The following DEUP1 variants were observed in gnomAD, a reference collection of about 807,000 sequenced individuals.
DEUP1 encodes the protein deuterosome assembly protein 1.
In DEUP1, 82 loss-of-function variants were observed where a neutral mutation model predicts 87.4. The observed-to-expected ratio is 0.94, with a 90% CI of 0.78 to 1.13. The LOEUF (loss-of-function observed/expected upper bound fraction) is 1.13. Among genes scored for constraint, DEUP1 ranks in the 50% most tolerant of loss-of-function variants. DEUP1 has a pLI of 0.00. For missense variants in DEUP1, 663 were observed against 681.5 expected, an observed-to-expected ratio of 0.97 and a Z score of 0.30; for synonymous variants, 214 against 222.7, an observed-to-expected ratio of 0.96 and a Z score of 0.35.
Position 93,373,300 on chromosome 11 carries a change from C to A in DEUP1, c.789+2020C>A, listed in dbSNP as rs114564248. 9.7e-3 allele frequency among the ~76,000 whole-genome samples: 1,482 copies of A among 152,092 alleles called. 26 individuals are homozygous for A. The highest frequency in any genetic ancestry group is 0.034 in the African/African-American group (1,394 of 41,468). On this transcript the variant is annotated intron_variant, in intron 7 of 13. Transcript: ENST00000298050. The stretch of plus-strand genomic sequence containing the variant: ...ATTTCTGAGATTTTGATGCACCCAT[C>A]ACCTGAACAGTTTACACTGTACCCA...
At chr11:93,398,287 A>T (rs1947004331) in intron 11 of DEUP1, among the ~76,000 whole-genome samples, 1 of 152,114 alleles carries the variant, frequency 6.6e-6, no homozygotes, top group African/African-American at 2.4e-5. Context: ...GGTGTGTATC[A>T]AAATTTATTA....
At chr11:93,429,311 C>A (rs1948032177) in intron 13 of DEUP1, among the ~76,000 whole-genome samples, 1 of 152,028 alleles carries the variant, frequency 6.6e-6, no homozygotes, top group Non-Finnish European at 1.5e-5. Flanking sequence ...AAAATACATA[C>A]CAATAATGTA....
chr11:93,343,409 A>G (rs186975506), intron 2 of DEUP1, among the ~76,000 whole-genome samples: 347 of 135,472 alleles, frequency 2.6e-3, no homozygotes, highest in African/African-American at 8.9e-3. Context: ...GTAGATCAAC[A>G]TTTGTTTATT....
chr11:93,373,619 A>ATGTGTG (rs1555048226), intron 7 of DEUP1, among the ~76,000 whole-genome samples: 2 of 30,970 alleles, frequency 6.5e-5, no homozygotes, highest in Non-Finnish European at 2.2e-4. Context: ...ATATGTATAT[A>ATGTGTG]TATACGTATA....
chr11:93,420,142 G>A (rs1231920775), intron 13 of DEUP1, among the ~76,000 whole-genome samples: 4 of 152,166 alleles, frequency 2.6e-5, no homozygotes, highest in African/African-American at 9.7e-5. Flanking sequence ...TATCCTTGAT[G>A]AACATTGATG....
chr11:93,436,952 C>A (rs533509376), intron 13 of DEUP1, among the ~76,000 whole-genome samples: 33 of 152,132 alleles, frequency 2.2e-4, no homozygotes, highest in African/African-American at 8.0e-4. Context: ...TTTCATGTCA[C>A]CATGAAGGGT....
chr11:93,420,795 A>G (rs1947851434), intron 13 of DEUP1, among the ~76,000 whole-genome samples: 1 of 128,778 alleles, frequency 7.8e-6, no homozygotes, highest in Non-Finnish European at 1.6e-5. Flanking sequence ...CCAAATCATG[A>G]GTGAACTCCC....
chr11:93,391,325 A>G (rs1946759197), intron 9 of DEUP1, among the ~76,000 whole-genome samples: 1 of 152,192 alleles, frequency 6.6e-6, no homozygotes, highest in South Asian at 2.1e-4. Context: ...TTTGCAGTAT[A>G]GTATGTTGTG....
At position 93,437,980 on chromosome 11, in the gene DEUP1, G is replaced by C. The variant is rs960075347; in HGVS notation, c.*261G>C. 33 of 255,092 alleles carry C rather than the reference G, an allele frequency of 1.3e-4. No individual in the cohort carries two copies. Among genetic ancestry groups the C allele is most frequent in the African/African-American group, 6.2e-4 (27 of 43,628 alleles). 15.8% of individuals were successfully genotyped at this position (255,092 alleles called of 1,614,324 possible). ...CTATTCCAAAAGAGATTTTTTTCCAGTCTAAGGAATATTTTGGAATCAAAT... is the reference window on the plus strand; with the variant it reads ...CTATTCCAAAAGAGATTTTTTTCCACTCTAAGGAATATTTTGGAATCAAAT... On this transcript the variant is annotated 3_prime_UTR_variant, in exon 14 of 14. Transcript: ENST00000298050.
At chr11:93,384,688 C>G (rs12273033) in intron 7 of DEUP1, among the ~76,000 whole-genome samples, 37,564 of 152,150 alleles carry the variant, frequency 0.25, 4,918 homozygotes, top group South Asian at 0.37. Context: ...TTGCCATTAG[C>G]TTATTCTTGA....
intron 7 of DEUP1, among the ~76,000 whole-genome samples, chr11:93,384,576 T>C (rs1007985233): frequency 3.3e-5 from 5 of 152,330 alleles, no homozygotes; most frequent in East Asian, 1.9e-4. Context: ...AAATAAAACA[T>C]TGAACCCAGA....
intron 12 of DEUP1, among the ~76,000 whole-genome samples, chr11:93,410,644 C>T (rs1427863786): frequency 6.6e-6 from 1 of 152,136 alleles, no homozygotes; most frequent in Non-Finnish European, 1.5e-5. Context: ...ATTTCCTGTT[C>T]GTGCTAGTTG....
chr11:93,388,353 A>G (rs1325437485), intron 8 of DEUP1, among the ~76,000 whole-genome samples: 1 of 152,068 alleles, frequency 6.6e-6, no homozygotes, highest in Non-Finnish European at 1.5e-5. Context: ...CTACCTGGTT[A>G]TCTTTATTTT....
Position 93,385,509 on chromosome 11 carries a change from GGA to G in DEUP1, c.905_906del (p.Glu302ValfsTer8), listed in dbSNP as rs770928570. On this transcript the variant is annotated frameshift_variant, in exon 8 of 14. Coordinates refer to ENST00000298050, the MANE Select transcript of DEUP1 (RefSeq NM_181645.4). LOFTEE classifies it high-confidence loss of function. ...LQLHRELLKI[G>X]ECQNAQGNKT... ...ATTACACAGAGAATTATTAAAAATA[GGA>G]GAGTGCCAAAATGCTCAAGGAAATA... is the stretch of plus-strand genomic sequence containing the variant. 73 of 1,609,228 alleles carry G rather than the reference GGA, an allele frequency of 4.5e-5. No individual in the cohort carries two copies. Among genetic ancestry groups the G allele is most frequent in the Non-Finnish European group, 5.9e-5 (70 of 1,178,302 alleles).
chr11:93,347,725 G>T (rs3020083), intron 2 of DEUP1, among the ~76,000 whole-genome samples: 121,360 of 151,922 alleles, frequency 0.8, 48,555 homozygotes, highest in East Asian at 0.89. Context: ...TCAGTTTTTT[G>T]GGGGGGTTTT....
chr11:93,435,008 C>T (rs1196244894), intron 13 of DEUP1, among the ~76,000 whole-genome samples: 1 of 152,120 alleles, frequency 6.6e-6, no homozygotes, highest in Non-Finnish European at 1.5e-5. Flanking sequence ...ATACCATGGT[C>T]GTGCCCCCAC....
At chr11:93,343,236 C>T (rs961334125) in intron 2 of DEUP1, among the ~76,000 whole-genome samples, 1 of 152,014 alleles carries the variant, frequency 6.6e-6, no homozygotes, top group African/African-American at 2.4e-5. Context: ...CTAATTCTTC[C>T]CTGTGGGATC....
chr11:93,374,893 T>C (rs1235536873), intron 7 of DEUP1, among the ~76,000 whole-genome samples: 1 of 152,128 alleles, frequency 6.6e-6, no homozygotes, highest in Admixed American at 6.5e-5. Context: ...ACAATATTGA[T>C]TCTACCCATC....
At chr11:93,391,740 A>G (rs1228135935) in intron 9 of DEUP1, among the ~76,000 whole-genome samples, 1 of 151,774 alleles carries the variant, frequency 6.6e-6, no homozygotes, top group Non-Finnish European at 1.5e-5. Context: ...TTCCATTTTA[A>G]GTGGAACAGG....
Sources: gnomAD v4.1 joint callset for allele counts (sites outside exome capture counted in the v4.1 genomes callset) on GRCh38, gnomAD v4.1.1 for gene constraint, MANE v1.5 for transcripts, NCBI Gene and HGNC (gene_info 2026-07-23, HGNC 2026-07-21) for gene names.